Variants in SLC12A8 observed in about 807,000 individuals in gnomAD.
The protein encoded by SLC12A8 is solute carrier family 12 member 8, also known as cation-chloride cotransporter 9.
In SLC12A8, 69 loss-of-function variants were observed where a neutral mutation model predicts 75.6. The observed-to-expected ratio is 0.91, with a 90% confidence interval of 0.75 to 1.11. SLC12A8 has a LOEUF of 1.11. SLC12A8 is among the 50% of genes most tolerant of loss of function. SLC12A8 has a pLI of 0.00. For missense variants in SLC12A8, 877 were observed against 896.7 expected, an observed-to-expected ratio of 0.98 and a Z score of 0.28; for synonymous variants, 365 against 372.8, an observed-to-expected ratio of 0.98 and a Z score of 0.24.
At chr3:125,205,572 T>C (rs748718933) in intron 2 of SLC12A8, among the ~76,000 whole-genome samples, 2 of 152,276 alleles carry the variant, frequency 1.3e-5, no homozygotes, top group African/African-American at 2.4e-5. Flanking sequence ...AGGATGTCAG[T>C]GTGCATATGA....
chr3:125,092,161 G>C lies in SLC12A8; in HGVS notation c.1743C>G (p.Val581=), dbSNP rs370279818. Residue 581 remains valine (V), a synonymous_variant, in exon 11 of 14, where the codon GTC becomes GTG. Transcript: ENST00000469902. The stretch of plus-strand genomic sequence containing the variant: ...TATAGAAAGAAGTGGATCTTCTCCA[G>C]ACATCTTGTTCTTGGAGCCTGGACT... ...FLKSRLQEQD[V]WRRSTSFYTH... 5.0e-6 allele frequency: 8 copies of C among 1,612,890 alleles called. 1 individual carries two copies. In the African/African-American group the frequency reaches 6.7e-5, roughly 13 times the overall value.
chr3:125,201,396 C>T (rs545955767), intron 2 of SLC12A8, among the ~76,000 whole-genome samples: 2 of 151,744 alleles, frequency 1.3e-5, no homozygotes, highest in South Asian at 2.1e-4. Context: ...AGAGTGAGAC[C>T]CTGTCTCTAA....
intron 12 of SLC12A8, among the ~76,000 whole-genome samples, chr3:125,089,114 T>A (rs900453221): frequency 6.6e-6 from 1 of 152,200 alleles, no homozygotes; most frequent in Admixed American, 6.5e-5. Context: ...ATTGATTAGA[T>A]AATGTTCAAT....
At chr3:125,203,088 C>CAAAAAAAAAAAAAA (rs758212012) in intron 2 of SLC12A8, among the ~76,000 whole-genome samples, 1 of 88,440 alleles carries the variant, frequency 1.1e-5, no homozygotes, top group Non-Finnish European at 2.0e-5. Context: ...GACTTCATCT[C>CAAAAAAAAAAAAAA]AAAAAAAAAA....
At chr3:125,145,474 G>A (rs558250475) in intron 5 of SLC12A8, among the ~76,000 whole-genome samples, 46 of 152,298 alleles carry the variant, frequency 3.0e-4, no homozygotes, top group Middle Eastern at 3.4e-3. Context: ...ACCATAAAAA[G>A]GAATGAATTT....
intron 6 of SLC12A8, among the ~76,000 whole-genome samples, chr3:125,132,676 T>C (rs2981510): frequency 0.073 from 11,050 of 152,230 alleles, 483 homozygotes; most frequent in Admixed American, 0.095. Context: ...AGATGTCACA[T>C]GGACAACTGA....
chr3:125,108,478 C>A (rs1939100329), intron 9 of SLC12A8, among the ~76,000 whole-genome samples: 1 of 152,056 alleles, frequency 6.6e-6, no homozygotes, highest in African/African-American at 2.4e-5. Context: ...AAGCCATCCT[C>A]CCACCTCAGC....
chr3:125,108,021 T>C lies in SLC12A8; in HGVS notation c.1165A>G (p.Ile389Val), dbSNP rs746489395. ...GCAACGTATGTCAGCATGAAGTTGA[T>C]GGTGACGATGGGGGCCAGAACGTTC... ...QVNVLAPIVT[I>V]NFMLTYVAVD... The change falls in exon 10 of 14, where the codon ATC becomes GTC. Residue 389 changes from isoleucine to valine, a missense_variant. Coordinates refer to ENST00000469902, the MANE Select transcript of SLC12A8 (RefSeq NM_024628.6). 10 of 1,614,024 alleles carry C rather than the reference T, an allele frequency of 6.2e-6. No homozygotes were observed. The East Asian group carries it at 1.6e-4, about 25-fold the overall frequency.
At chr3:125,160,392 C>T (rs778278376) in intron 5 of SLC12A8, among the ~76,000 whole-genome samples, 19 of 152,172 alleles carry the variant, frequency 1.2e-4, no homozygotes, top group Non-Finnish European at 2.4e-4. Flanking sequence ...AATCAGTGCC[C>T]GGCATATAGT....
chr3:125,137,444 G>A (rs1459137525), intron 5 of SLC12A8, among the ~76,000 whole-genome samples: 2 of 152,220 alleles, frequency 1.3e-5, no homozygotes, highest in African/African-American at 4.8e-5. Context: ...TAATAGCTAA[G>A]TTAACTTTAG....
At chr3:125,198,927 G>A (rs746641320) in intron 2 of SLC12A8, among the ~76,000 whole-genome samples, 2 of 151,778 alleles carry the variant, frequency 1.3e-5, no homozygotes, top group African/African-American at 4.8e-5. Context: ...ACAGGCACCC[G>A]CCACCACGCC....
At chr3:125,141,417 A>G (rs983469335) in intron 5 of SLC12A8, among the ~76,000 whole-genome samples, 1 of 152,110 alleles carries the variant, frequency 6.6e-6, no homozygotes, top group Admixed American at 6.5e-5. Flanking sequence ...GGGGGTCACT[A>G]GTGGGACTGA....
At chr3:125,126,765 C>G (rs959226040) in intron 6 of SLC12A8, among the ~76,000 whole-genome samples, 5 of 152,238 alleles carry the variant, frequency 3.3e-5, no homozygotes, top group Non-Finnish European at 7.3e-5. Flanking sequence ...AACTCTTCAA[C>G]TTTTTCTTTC....
intron 2 of SLC12A8, among the ~76,000 whole-genome samples, chr3:125,209,800 A>G (rs1935301076): frequency 6.6e-6 from 1 of 152,234 alleles, no homozygotes; most frequent in Non-Finnish European, 1.5e-5. Context: ...CTGAATTCTG[A>G]AGGCAGTGAG....
chr3:125,142,771 G>T (rs1933680315), intron 5 of SLC12A8, among the ~76,000 whole-genome samples: 1 of 152,234 alleles, frequency 6.6e-6, no homozygotes, highest in African/African-American at 2.4e-5. Flanking sequence ...AGTACGAGAT[G>T]ATTTTTCAGA....
At chr3:125,122,854 T>C (rs1933098135) in intron 6 of SLC12A8, among the ~76,000 whole-genome samples, 1 of 151,634 alleles carries the variant, frequency 6.6e-6, no homozygotes, top group African/African-American at 2.4e-5. Flanking sequence ...GAAACATAAA[T>C]CAGGATACAG....
At chr3:125,141,893 G>A (rs1424400275) in intron 5 of SLC12A8, among the ~76,000 whole-genome samples, 2 of 152,112 alleles carry the variant, frequency 1.3e-5, no homozygotes, top group Non-Finnish European at 2.9e-5. Context: ...GAGGGCGCAG[G>A]AAGAGCGGCT....
chr3:125,205,353 G>A (rs1030737526), intron 2 of SLC12A8, among the ~76,000 whole-genome samples: 16 of 152,174 alleles, frequency 1.1e-4, no homozygotes, highest in East Asian at 1.9e-4. Context: ...AAAATACGGC[G>A]GGTACAAATG....
At chr3:125,110,080 A>G in intron 9 of SLC12A8, 109 bp downstream of exon 9, 1 of 1,186,966 alleles carries the variant, frequency 8.4e-7, no homozygotes. Flanking sequence ...ACCCCAAAGA[A>G]ATTGACCAGA....
Sources: gnomAD v4.1 joint callset for allele counts (sites outside exome capture counted in the v4.1 genomes callset) on GRCh38, gnomAD v4.1.1 for gene constraint, MANE v1.5 for transcripts, NCBI Gene and HGNC (gene_info 2026-07-23, HGNC 2026-07-21) for gene names.